GRID2: variants seen among roughly 807,000 people sequenced by gnomAD.
GRID2 encodes the protein glutamate ionotropic receptor delta type subunit 2.
GRID2 carries 33 observed loss-of-function variants against 114.8 expected under a neutral mutation model. The observed-to-expected ratio is 0.29, with a 90% CI of 0.22 to 0.38. The LOEUF (loss-of-function observed/expected upper bound fraction) is 0.38. GRID2 is among the 10% of genes least tolerant of loss of function. The probability of loss-of-function intolerance (pLI) is 1.00; values close to 1 mark genes in which losing one functional copy is unlikely to be tolerated. For missense variants in GRID2, 1,184 were observed against 1,257.7 expected (o/e 0.94, Z 0.89); for synonymous variants, 505 against 449.9 (o/e 1.12, Z -1.55).
intron 1 of GRID2, among the ~76,000 whole-genome samples, chr4:92,350,156 AT>A (rs564988711): frequency 1.3e-5 from 2 of 151,534 alleles, no homozygotes; most frequent in Non-Finnish European, 3.0e-5. Context: ...TGTTGAAGTC[AT>A]TTTTTTTAGT....
intron 1 of GRID2, among the ~76,000 whole-genome samples, chr4:92,307,796 A>C (rs1381312962): frequency 6.6e-6 from 1 of 152,214 alleles, no homozygotes; most frequent in Non-Finnish European, 1.5e-5. Context: ...TAGTATTTAA[A>C]AATGAATCAC....
chr4:92,898,747 T>G (rs956545416), intron 2 of GRID2, among the ~76,000 whole-genome samples: 5 of 152,162 alleles, frequency 3.3e-5, no homozygotes, highest in African/African-American at 1.2e-4. Flanking sequence ...AATTAGATCT[T>G]GAGCACATTA....
chr4:92,351,023 C>G (rs1009321700), intron 1 of GRID2, among the ~76,000 whole-genome samples: 2 of 151,720 alleles, frequency 1.3e-5, no homozygotes, highest in Non-Finnish European at 3.0e-5. Flanking sequence ...TTTTTTATGG[C>G]CAAATAATAA....
intron 13 of GRID2, among the ~76,000 whole-genome samples, chr4:93,578,889 G>A (rs967925067): frequency 7.2e-5 from 11 of 152,064 alleles, no homozygotes; most frequent in East Asian, 1.9e-4. Context: ...CACCGCACCC[G>A]GCTGCCTTGC....
intron 2 of GRID2, among the ~76,000 whole-genome samples, chr4:92,780,267 G>T (rs1160756887): frequency 1.3e-5 from 2 of 152,076 alleles, no homozygotes; most frequent in East Asian, 3.9e-4. Context: ...TGTTGTTGTT[G>T]AGTTGTTTTG....
At position 93,656,713 on chromosome 4, in the gene GRID2, C is replaced by T. The variant is rs540859567; in HGVS notation, c.2360+30278C>T. Reference sequence around the variant, plus strand: ...GGCATGGTGGCGGGCACCTGTAGTCCCAGCTACTCGGGAGGCTGAGGCAGG... The same window carrying T: ...GGCATGGTGGCGGGCACCTGTAGTCTCAGCTACTCGGGAGGCTGAGGCAGG... On this transcript the variant is annotated intron_variant, in intron 14 of 15. Transcript: ENST00000282020. Among the ~76,000 whole-genome samples the T allele has an allele frequency of 5.1e-5, 7 of 138,130 alleles. 1 individual carries two copies. In the South Asian group the frequency reaches 1.7e-3, roughly 33 times the overall value. The allele number at this position is 138,130 out of a possible 152,430, so 90.6% of individuals were successfully genotyped here.
intron 2 of GRID2, among the ~76,000 whole-genome samples, chr4:92,951,597 T>C (rs914384292): frequency 6.6e-6 from 1 of 151,990 alleles, no homozygotes; most frequent in Non-Finnish European, 1.5e-5. Context: ...CCAAAGTGTG[T>C]GACTAAAGTT....
At chr4:93,322,081 T>C (rs1234875909) in intron 8 of GRID2, among the ~76,000 whole-genome samples, 1 of 150,592 alleles carries the variant, frequency 6.6e-6, no homozygotes. Context: ...AGTTCTAGGG[T>C]ACAAGTGCAC....
intron 1 of GRID2, among the ~76,000 whole-genome samples, chr4:92,514,980 T>C (rs559405946): frequency 3.3e-5 from 5 of 151,882 alleles, no homozygotes; most frequent in Non-Finnish European, 5.9e-5. Context: ...AATTGCCCTA[T>C]ATCAGGTCTC....
intron 1 of GRID2, among the ~76,000 whole-genome samples, chr4:92,474,419 C>T (rs139863232): frequency 3.2e-4 from 49 of 152,228 alleles, no homozygotes; most frequent in African/African-American, 1.1e-3. Context: ...CATTTACCCA[C>T]TGATGAACAC....
intron 11 of GRID2, among the ~76,000 whole-genome samples, chr4:93,480,266 T>A (rs1190422139): frequency 6.6e-6 from 1 of 151,948 alleles, no homozygotes; most frequent in East Asian, 1.9e-4. Flanking sequence ...AAAATCACAT[T>A]AAAAATGCCA....
intron 8 of GRID2, among the ~76,000 whole-genome samples, chr4:93,296,038 T>A (rs892358): frequency 0.69 from 102,421 of 148,578 alleles, 34,890 homozygotes; most frequent in Middle Eastern, 0.81. Context: ...AAATAGCAGA[T>A]ATGTATGCTT....
At chr4:92,994,356 T>G (rs1755075183) in intron 2 of GRID2, among the ~76,000 whole-genome samples, 1 of 152,142 alleles carries the variant, frequency 6.6e-6, no homozygotes, top group African/African-American at 2.4e-5. Flanking sequence ...TTTGTTTGTT[T>G]GTTTGTTTGT....
chr4:93,618,306 A>G (rs1200376107), intron 13 of GRID2, among the ~76,000 whole-genome samples: 1 of 152,026 alleles, frequency 6.6e-6, no homozygotes, highest in Non-Finnish European at 1.5e-5. Context: ...AGTGTATTCT[A>G]CTTGTTCTAA....
intron 4 of GRID2, among the ~76,000 whole-genome samples, chr4:93,206,873 C>T (rs574259070): frequency 1.3e-4 from 20 of 152,096 alleles, no homozygotes; most frequent in Non-Finnish European, 8.8e-5. Context: ...TAGAATAGAT[C>T]ACCTTAGAAT....
chr4:93,157,596 C>T (rs1441684212), intron 4 of GRID2, among the ~76,000 whole-genome samples: 1 of 151,666 alleles, frequency 6.6e-6, no homozygotes, highest in African/African-American at 2.4e-5. Flanking sequence ...TACTTTATTT[C>T]CTGATACATG....
At position 93,667,381 on chromosome 4, in the gene GRID2, T is replaced by G. The variant is rs6532426; in HGVS notation, c.2360+40946T>G. On this transcript the variant is annotated intron_variant, in intron 14 of 15. Transcript: ENST00000282020. ...TATCCAATATATCTGTTAGATTCTC[T>G]CTCTCTCTTTTTTTTTTTTCCAAAA... is the stretch of plus-strand genomic sequence containing the variant. 5.7e-3 allele frequency among the ~76,000 whole-genome samples: 845 copies of G among 148,396 alleles called. 6 individuals are homozygous for G. Among genetic ancestry groups the G allele is most frequent in the African/African-American group, 0.02 (777 of 38,998 alleles).
chr4:93,121,121 C>T (rs1177560569), intron 4 of GRID2, among the ~76,000 whole-genome samples: 4 of 151,982 alleles, frequency 2.6e-5, no homozygotes, highest in Admixed American at 6.6e-5. Context: ...GCCCTGAGTA[C>T]TCAAATTGCT....
chr4:93,329,090 A>G (rs1448621534), intron 8 of GRID2, among the ~76,000 whole-genome samples: 1 of 152,192 alleles, frequency 6.6e-6, no homozygotes, highest in African/African-American at 2.4e-5. Flanking sequence ...AATATGAAGC[A>G]TCAATTAGAG....
Sources: allele counts gnomAD v4.1 joint callset (sites outside exome capture counted in the v4.1 genomes callset), GRCh38; gene constraint gnomAD v4.1.1; transcripts MANE v1.5; gene names NCBI Gene and HGNC (gene_info 2026-07-23, HGNC 2026-07-21).